The following GALNT13 variants were observed in gnomAD, a reference collection of about 807,000 sequenced individuals.
The protein encoded by GALNT13 is polypeptide N-acetylgalactosaminyltransferase 13, also known as UDP-GalNAc:polypeptide N-acetylgalactosaminyltransferase 13.
A neutral mutation model predicts 64.2 loss-of-function variants in GALNT13; 28 were observed. The ratio of observed to expected loss-of-function variants is 0.44; its 90% confidence interval spans 0.32 to 0.60. GALNT13 has a LOEUF of 0.60. Ranked by LOEUF, GALNT13 falls within the 20% of genes least tolerant of loss-of-function variation. The probability of loss-of-function intolerance (pLI) is 0.05; values close to 1 mark genes in which losing one functional copy is unlikely to be tolerated. For missense variants in GALNT13, 577 were observed against 669.8 expected (o/e 0.86, Z 1.53); for synonymous variants, 214 against 224.6 (o/e 0.95, Z 0.42).
the GALNT13 span, among the ~76,000 whole-genome samples, chr2:153,811,773 A>G: frequency 1.2e-4 from 19 of 152,116 alleles, no homozygotes; most frequent in African/African-American, 3.6e-4. Context: ...GATTCTTCCA[A>G]TTGTCAGTCA....
intron 2 of GALNT13, among the ~76,000 whole-genome samples, chr2:153,901,817 A>G (rs754583349): frequency 1.3e-5 from 2 of 152,210 alleles, no homozygotes; most frequent in Non-Finnish European, 2.9e-5. Context: ...TTAAAAATAT[A>G]TAACAGCTCC....
chr2:154,081,575 A>G (rs1701273014), intron 3 of GALNT13, among the ~76,000 whole-genome samples: 1 of 151,674 alleles, frequency 6.6e-6, no homozygotes, highest in Non-Finnish European at 1.5e-5. Flanking sequence ...CCCAAAACTC[A>G]GGTCATAAAT....
the GALNT13 span, among the ~76,000 whole-genome samples, chr2:153,271,782 G>A: frequency 6.6e-6 from 1 of 151,972 alleles, no homozygotes; most frequent in Non-Finnish European, 1.5e-5. Context: ...ATTTCATATG[G>A]AACCAAAAAA....
At chr2:153,870,881 A>C (rs187621259), upstream of GALNT13, among the ~76,000 whole-genome samples, 1 of 152,110 alleles carries the variant, frequency 6.6e-6, no homozygotes, top group East Asian at 1.9e-4. Flanking sequence ...GACCCCTGTC[A>C]GCCCTTATTA....
At chr2:153,647,123 C>T in the GALNT13 span, among the ~76,000 whole-genome samples, 2 of 152,086 alleles carry the variant, frequency 1.3e-5, no homozygotes, top group African/African-American at 4.8e-5. Flanking sequence ...TCTCCAGCAC[C>T]TGTTGTTTCC....
chr2:153,664,793 C>A, the GALNT13 span, among the ~76,000 whole-genome samples: 1 of 152,080 alleles, frequency 6.6e-6, no homozygotes, highest in South Asian at 2.1e-4. Flanking sequence ...CCTGACTTCC[C>A]GCAACAATGA....
At chr2:153,374,096 G>A in the GALNT13 span, among the ~76,000 whole-genome samples, 20 of 152,156 alleles carry the variant, frequency 1.3e-4, no homozygotes, top group Non-Finnish European at 2.5e-4. Context: ...ATTTGTTCAA[G>A]ACTGTGCTGT....
At chr2:154,157,256 C>A (rs2105651030) in intron 4 of GALNT13, among the ~76,000 whole-genome samples, 1 of 152,244 alleles carries the variant, frequency 6.6e-6, no homozygotes, top group South Asian at 2.1e-4. Flanking sequence ...GCCCTTTACT[C>A]TGCTTTCTCC....
chr2:153,600,616 C>T, the GALNT13 span, among the ~76,000 whole-genome samples: 1 of 151,994 alleles, frequency 6.6e-6, no homozygotes, highest in Non-Finnish European at 1.5e-5. Context: ...TCAAGCTTTA[C>T]ATCCTCCCAA....
Position 154,145,048 on chromosome 2 carries a change from T to TTCTCTCTCTCTC in GALNT13, c.311+4557_311+4568dup, listed in dbSNP as rs3075862. Among the ~76,000 whole-genome samples the TTCTCTCTCTCTC allele has an allele frequency of 1.2e-3, 131 of 106,642 alleles. 1 individual carries two copies. Among genetic ancestry groups the TTCTCTCTCTCTC allele is most frequent in the Middle Eastern group, 0.01 (2 of 192 alleles). 70.0% of individuals were successfully genotyped at this position (106,642 alleles called of 152,430 possible). ...CTTCATTCCTGGGATATTTATGTAG[T>TTCTCTCTCTCTC]TCTCTCTCTCTCTCTCTCTCTCTCT... On this transcript the variant is annotated intron_variant, in intron 4 of 12. Coordinates refer to ENST00000392825, the MANE Select transcript of GALNT13 (RefSeq NM_052917.4).
At chr2:153,894,412 GT>G (rs1687758319) in intron 1 of GALNT13, among the ~76,000 whole-genome samples, 1 of 151,796 alleles carries the variant, frequency 6.6e-6, no homozygotes, top group Admixed American at 6.6e-5. Flanking sequence ...GTACAGAGAG[GT>G]TATGTTTAAA....
At chr2:153,492,373 C>A in the GALNT13 span, among the ~76,000 whole-genome samples, 3 of 152,172 alleles carry the variant, frequency 2.0e-5, no homozygotes, top group Non-Finnish European at 4.4e-5. Context: ...CATGAGAACA[C>A]CTGATTAACT....
intron 3 of GALNT13, among the ~76,000 whole-genome samples, chr2:154,025,877 A>T (rs775611528): frequency 6.6e-6 from 1 of 152,158 alleles, no homozygotes; most frequent in African/African-American, 2.4e-5. Context: ...CTGAGTCTCA[A>T]TATATGAATA....
the GALNT13 span, among the ~76,000 whole-genome samples, chr2:153,432,580 G>A: frequency 6.6e-6 from 1 of 152,036 alleles, no homozygotes; most frequent in African/African-American, 2.4e-5. Flanking sequence ...TGGGTTTCAA[G>A]TTTCACCTAT....
At chr2:154,442,226 A>T (rs1559157502) in intron 12 of GALNT13, among the ~76,000 whole-genome samples, 1 of 152,118 alleles carries the variant, frequency 6.6e-6, no homozygotes, top group South Asian at 2.1e-4. Flanking sequence ...TCATAAAACT[A>T]CTTTGTCATT....
chr2:153,488,653 T>C, the GALNT13 span, among the ~76,000 whole-genome samples: 1 of 152,144 alleles, frequency 6.6e-6, no homozygotes. Context: ...GAGTCCAAAT[T>C]CTGTAAGATG....
At chr2:153,430,705 G>A in the GALNT13 span, among the ~76,000 whole-genome samples, 1 of 151,184 alleles carries the variant, frequency 6.6e-6, no homozygotes, top group Non-Finnish European at 1.5e-5. Flanking sequence ...ACTCACCTGA[G>A]GATAGTTATG....
At chr2:153,838,327 A>G in the GALNT13 span, among the ~76,000 whole-genome samples, 5 of 151,826 alleles carry the variant, frequency 3.3e-5, no homozygotes, top group African/African-American at 1.2e-4. Flanking sequence ...CATTGTCCAG[A>G]CCAATGTCAT....
chr2:153,746,857 C>T, the GALNT13 span, among the ~76,000 whole-genome samples: 2 of 152,102 alleles, frequency 1.3e-5, no homozygotes, highest in Non-Finnish European at 2.9e-5. Context: ...GAACAACTTT[C>T]AGTATGTTTA....
Sources: gnomAD v4.1 joint callset for allele counts (sites outside exome capture counted in the v4.1 genomes callset) on GRCh38, gnomAD v4.1.1 for gene constraint, MANE v1.5 for transcripts, NCBI Gene and HGNC (gene_info 2026-07-23, HGNC 2026-07-21) for gene names.